The following GPC5 variants were observed in gnomAD, a reference collection of about 807,000 sequenced individuals.
GPC5 encodes glypican-5.
In GPC5, 47 loss-of-function variants were observed where a neutral mutation model predicts 53.9. The ratio of observed to expected loss-of-function variants is 0.87; its 90% CI spans 0.69 to 1.11. GPC5 has a LOEUF of 1.11. Ranked by LOEUF, GPC5 falls within the 50% of genes most tolerant of loss-of-function variation. The pLI is 0.00. For missense variants in GPC5, 748 were observed against 713.1 expected (o/e 1.05, Z -0.56); for synonymous variants, 286 against 263.3 (o/e 1.09, Z -0.84).
intron 6 of GPC5, among the ~76,000 whole-genome samples, chr13:92,093,493 G>A (rs2041397323): frequency 6.6e-6 from 1 of 151,940 alleles, no homozygotes; most frequent in Non-Finnish European, 1.5e-5. Flanking sequence ...ATGCAAATGT[G>A]TTGGATTTTC....
chr13:91,664,237 G>A (rs1292955307), intron 2 of GPC5, among the ~76,000 whole-genome samples: 4 of 152,212 alleles, frequency 2.6e-5, no homozygotes, highest in Admixed American at 2.6e-4. Context: ...CTTCAGGCAG[G>A]TTAATTACGC....
At chr13:91,886,292 T>C (rs2039321420) in intron 5 of GPC5, among the ~76,000 whole-genome samples, 1 of 152,066 alleles carries the variant, frequency 6.6e-6, no homozygotes, top group African/African-American at 2.4e-5. Context: ...GAGAACAGCA[T>C]AGGGAAAAAC....
chr13:92,584,360 T>G (rs1393744503), intron 7 of GPC5, among the ~76,000 whole-genome samples: 1 of 152,198 alleles, frequency 6.6e-6, no homozygotes, highest in African/African-American at 2.4e-5. Context: ...TGACTCTTGC[T>G]ATGTTTTAGC....
chr13:92,701,435 T>C (rs1358831495), intron 7 of GPC5: 3 of 152,130 alleles, frequency 2.0e-5, no homozygotes, highest in Admixed American at 1.3e-4. Flanking sequence ...AATCCAGATA[T>C]TATGTGGAGT....
intron 7 of GPC5, among the ~76,000 whole-genome samples, chr13:92,175,828 T>C (rs367940013): frequency 4.6e-5 from 7 of 152,300 alleles, no homozygotes; most frequent in African/African-American, 1.4e-4. Context: ...GGCACATTTA[T>C]CTCTTTAGAG....
intron 1 of GPC5, among the ~76,000 whole-genome samples, chr13:91,400,346 C>T (rs1031230892): frequency 3.9e-5 from 6 of 152,110 alleles, no homozygotes; most frequent in Admixed American, 6.5e-5. Context: ...TCTAGGCATT[C>T]GGGAACACTG....
chr13:92,673,004 A>T (rs1886801843), intron 7 of GPC5, among the ~76,000 whole-genome samples: 1 of 152,152 alleles, frequency 6.6e-6, no homozygotes, highest in South Asian at 2.1e-4. Context: ...TACCTGTGTA[A>T]CACACCTGCA....
intron 7 of GPC5, among the ~76,000 whole-genome samples, chr13:92,184,440 G>A (rs908066392): frequency 6.6e-6 from 1 of 152,184 alleles, no homozygotes; most frequent in Admixed American, 6.5e-5. Flanking sequence ...CTCAGCTTTA[G>A]GGAGTAGCCC....
At chr13:91,825,498 T>C (rs2138843525) in intron 5 of GPC5, among the ~76,000 whole-genome samples, 1 of 152,202 alleles carries the variant, frequency 6.6e-6, no homozygotes, top group East Asian at 1.9e-4. Flanking sequence ...AAATAAAAAG[T>C]GAACCACTTC....
intron 6 of GPC5, among the ~76,000 whole-genome samples, chr13:91,930,017 T>C (rs749189061): frequency 1.3e-5 from 2 of 152,088 alleles, no homozygotes; most frequent in Non-Finnish European, 2.9e-5. Flanking sequence ...TAGCCTTTGA[T>C]GGCCTAGAAT....
intron 7 of GPC5, among the ~76,000 whole-genome samples, chr13:92,756,385 A>G (rs1356904178): frequency 5.9e-5 from 9 of 151,888 alleles, no homozygotes; most frequent in East Asian, 3.9e-4. Flanking sequence ...TACTGAATGG[A>G]CAAAAACTGG....
At chr13:92,685,012 C>G (rs1293777241) in intron 7 of GPC5, among the ~76,000 whole-genome samples, 1 of 152,146 alleles carries the variant, frequency 6.6e-6, no homozygotes, top group Non-Finnish European at 1.5e-5. Flanking sequence ...TTTTCATGTG[C>G]TTATTTACCA....
chr13:92,261,339 C>A (rs907920027), intron 7 of GPC5, among the ~76,000 whole-genome samples: 1 of 152,036 alleles, frequency 6.6e-6, no homozygotes. Flanking sequence ...TGTTGCAAGG[C>A]AATCAAAAGC....
intron 5 of GPC5, among the ~76,000 whole-genome samples, chr13:91,833,734 G>A (rs1192481205): frequency 6.6e-6 from 1 of 152,056 alleles, no homozygotes; most frequent in Non-Finnish European, 1.5e-5. Flanking sequence ...GGTATTGATG[G>A]AACGTATCCC....
At chr13:91,423,006 A>T (rs985847768) in intron 1 of GPC5, among the ~76,000 whole-genome samples, 1 of 152,220 alleles carries the variant, frequency 6.6e-6, no homozygotes, top group Non-Finnish European at 1.5e-5. Context: ...AAGCACAGCA[A>T]AAAAGTACCT....
chr13:92,288,814 G>A (rs2042974504), intron 7 of GPC5, among the ~76,000 whole-genome samples: 1 of 152,054 alleles, frequency 6.6e-6, no homozygotes, highest in African/African-American at 2.4e-5. Context: ...AGTTCTTTAT[G>A]CTTACCTAAA....
chr13:92,744,503 G>GAA (rs557799592), intron 7 of GPC5, among the ~76,000 whole-genome samples: 3 of 135,910 alleles, frequency 2.2e-5, no homozygotes, highest in African/African-American at 8.0e-5. Context: ...GACTATACAG[G>GAA]AAAAAAAAAA....
chr13:92,195,004 C>T (rs1444978862), intron 7 of GPC5, among the ~76,000 whole-genome samples: 1 of 152,160 alleles, frequency 6.6e-6, no homozygotes, highest in African/African-American at 2.4e-5. Context: ...AAGATCTCTG[C>T]TGTAGATTTG....
intron 7 of GPC5, among the ~76,000 whole-genome samples, chr13:92,667,432 T>C (rs2139199007): frequency 6.6e-6 from 1 of 152,164 alleles, no homozygotes; most frequent in Middle Eastern, 3.4e-3. Flanking sequence ...CACAGCAAAA[T>C]ACGGTCAGAG....
Sources: gnomAD v4.1 joint callset for allele counts (sites outside exome capture counted in the v4.1 genomes callset) on GRCh38, gnomAD v4.1.1 for gene constraint, MANE v1.5 for transcripts, NCBI Gene and HGNC (gene_info 2026-07-23, HGNC 2026-07-21) for gene names.